Variants in WAPL observed in about 807,000 individuals in gnomAD.
WAPL encodes wings apart-like protein homolog.
WAPL carries 5 observed loss-of-function variants against 121.0 expected under a neutral mutation model. That is an observed-to-expected ratio of 0.04 (90% confidence interval 0.02 to 0.09). The LOEUF (loss-of-function observed/expected upper bound fraction) is 0.09. WAPL is among the 10% of genes least tolerant of loss of function. WAPL has a pLI of 1.00. For missense variants in WAPL, 999 were observed against 1,410.8 expected (o/e 0.71, Z 4.68); for synonymous variants, 480 against 481.5 (o/e 1.00, Z 0.04).
Position 86,508,420 on chromosome 10 carries a change from C to T in WAPL, c.500-7677G>A, listed in dbSNP as rs201613016. On this transcript the variant is annotated intron_variant, in intron 2 of 18. Transcript: ENST00000298767. ...CGGTTCTCTTGCGCTTTGGATCCCA[C>T]GCATTAAACCATCTAGAATCCCTCA... Among the ~76,000 whole-genome samples the T allele has an allele frequency of 8.5e-5, 13 of 152,280 alleles. No individual in the cohort carries two copies. The East Asian group carries it at 1.9e-3, about 23-fold the overall frequency.
intron 2 of WAPL, among the ~76,000 whole-genome samples, chr10:86,508,651 CTATAA>C (rs1302429233): frequency 4.6e-5 from 7 of 151,982 alleles, no homozygotes; most frequent in South Asian, 2.1e-4. Context: ...ACATTGGCTT[CTATAA>C]TATATCACTT....
At chr10:86,521,127 A>C (rs1437032091) in intron 1 of WAPL, among the ~76,000 whole-genome samples, 1 of 152,204 alleles carries the variant, frequency 6.6e-6, no homozygotes, top group African/African-American at 2.4e-5. Context: ...TCGGGGCTGA[A>C]ATCAACACAC....
In WAPL at chr10:86,435,331, C is replaced by T. The variant is rs1849291792; in HGVS notation, c.*2212G>A. On this transcript the variant is annotated 3_prime_UTR_variant, in exon 19 of 19. Coordinates refer to ENST00000298767, the MANE Select transcript of WAPL (RefSeq NM_015045.5). Reference sequence around the variant, plus strand: ...AAAGACATACTTCATGAAACTGGTACAAACTATTTTTTCCTGCCGTTGGCT... The same window carrying T: ...AAAGACATACTTCATGAAACTGGTATAAACTATTTTTTCCTGCCGTTGGCT... The T allele has an allele frequency of 6.6e-6, 1 of 152,604 alleles. No individual in the cohort carries two copies. The highest frequency in any genetic ancestry group is 2.1e-4 in the South Asian group (1 of 4,826). The allele number at this position is 152,604 out of a possible 1,614,324, so 9.5% of individuals were successfully genotyped here. A position where few individuals can be genotyped will look rare whatever the true frequency, so the allele number is the denominator to read the frequency against.
At chr10:86,442,525 G>C (rs1042856412) in intron 17 of WAPL, among the ~76,000 whole-genome samples, 1 of 152,034 alleles carries the variant, frequency 6.6e-6, no homozygotes, top group African/African-American at 2.4e-5. Context: ...ATCTTTAACA[G>C]CCTAACTCTG....
At position 86,446,261 on chromosome 10, in the gene WAPL, T is replaced by G. The variant is rs781758719; in HGVS notation, c.3303A>C (p.Glu1101Asp). Residue 1101 changes from glutamate (E) to aspartate (D), a missense_variant, in exon 16 of 19, where the codon GAA becomes GAC. By Grantham distance (45) the Glu-to-Asp change is conservative. Transcript: ENST00000298767. ...ATATACCTTTATTGAGGTCAAGTTC[T>G]TCATCCTCCTCCTCCTTCTTATGTT... ...EEKHKKEEEDEELDLNKALQH... is the reference protein window; with the variant it reads ...EEKHKKEEEDDELDLNKALQH... The G allele has an allele frequency of 1.1e-5, 17 of 1,614,040 alleles. No homozygotes were observed. In the East Asian group the frequency reaches 3.8e-4, roughly 36 times the overall value.
At position 86,437,325 on chromosome 10, in the gene WAPL, T is replaced by C; in HGVS notation, c.*218A>G. On this transcript the variant is annotated 3_prime_UTR_variant, in exon 19 of 19. Transcript: ENST00000298767. Reference sequence around the variant, plus strand: ...ATGGAATTGTTAACAGCCTGAACCTTTTCCCCTCATTTTTGATAGTTGCAG... The same window carrying C: ...ATGGAATTGTTAACAGCCTGAACCTCTTCCCCTCATTTTTGATAGTTGCAG... 3.8e-6 allele frequency: 2 copies of C among 527,358 alleles called. No individual in the cohort carries two copies. Among genetic ancestry groups the C allele is most frequent in the Non-Finnish European group, 6.6e-6 (2 of 301,190 alleles). The allele number at this position is 527,358 out of a possible 1,614,324, so 32.7% of individuals were successfully genotyped here. A position where few individuals can be genotyped will look rare whatever the true frequency, so the allele number is the denominator to read the frequency against.
intron 17 of WAPL, among the ~76,000 whole-genome samples, chr10:86,438,596 C>T (rs1311025126): frequency 6.6e-6 from 1 of 152,206 alleles, no homozygotes; most frequent in Non-Finnish European, 1.5e-5. Flanking sequence ...TAACAAACTG[C>T]ACTGTTTAAT....
At chr10:86,490,601 T>C (rs969980120) in intron 4 of WAPL, among the ~76,000 whole-genome samples, 10 of 152,184 alleles carry the variant, frequency 6.6e-5, no homozygotes, top group Non-Finnish European at 7.3e-5. Context: ...TCAACAAATT[T>C]TAACACAGTA....
intron 2 of WAPL, among the ~76,000 whole-genome samples, chr10:86,517,142 C>G (rs7914270): frequency 1.3e-5 from 2 of 152,062 alleles, no homozygotes; most frequent in South Asian, 2.1e-4. Flanking sequence ...CCACTCAATA[C>G]CCCCTTAATC....
intron 18 of WAPL, 26 bp downstream of exon 18, chr10:86,437,894 T>C (rs1167740023): frequency 1.3e-6 from 2 of 1,514,292 alleles, no homozygotes; most frequent in Non-Finnish European, 1.8e-6. Flanking sequence ...TTTAAAATCA[T>C]ATAAGCTGTA....
intron 2 of WAPL, among the ~76,000 whole-genome samples, chr10:86,510,470 T>C (rs1165885459): frequency 6.6e-6 from 1 of 152,236 alleles, no homozygotes; most frequent in Non-Finnish European, 1.5e-5. Flanking sequence ...AAGCTAGTTC[T>C]TTATCATGAC....
At chr10:86,484,728 T>C (rs1367158081) in intron 4 of WAPL, among the ~76,000 whole-genome samples, 1 of 152,218 alleles carries the variant, frequency 6.6e-6, no homozygotes, top group Non-Finnish European at 1.5e-5. Flanking sequence ...GTATTTTTAC[T>C]GTACCTTTTC....
intron 7 of WAPL, among the ~76,000 whole-genome samples, chr10:86,471,350 T>C (rs1302349843): frequency 6.6e-6 from 1 of 152,224 alleles, no homozygotes; most frequent in Non-Finnish European, 1.5e-5. Flanking sequence ...CTTACGTTAC[T>C]ACTACCACCA....
At chr10:86,445,507 G>A (rs201883593) in intron 16 of WAPL, among the ~76,000 whole-genome samples, 26 of 151,120 alleles carry the variant, frequency 1.7e-4, no homozygotes, top group East Asian at 5.8e-4. Flanking sequence ...TATGATTAGC[G>A]AAGATATTAC....
In WAPL at chr10:86,472,706, G is replaced by A; in HGVS notation, c.1799C>T (p.Ala600Val). 1 of 1,613,816 alleles carries A rather than the reference G, an allele frequency of 6.2e-7. No homozygotes were observed. The highest frequency in any genetic ancestry group is 8.5e-7 in the Non-Finnish European group (1 of 1,179,846). The change falls in exon 6 of 19, where the codon GCA (alanine) becomes GTA (valine). Residue 600 changes from alanine to valine, a missense_variant. By Grantham distance (64) the Ala-to-Val change is moderately conservative. Around this residue, in one of 7 missense-constraint regions of WAPL, gnomAD observed 74 missense variants for 115.1 expected, o/e 0.64. Coordinates refer to ENST00000298767, the MANE Select transcript of WAPL (RefSeq NM_015045.5). This position sits in a 1 kb window ranked among gnomAD's most constrained non-coding sequence, Gnocchi z 4.2. ...AGTTTTTATCACTTTGGATGGTGGTGCAGGAGCCTTAAAAACTCCATCATC... is the reference window on the plus strand; with the variant it reads ...AGTTTTTATCACTTTGGATGGTGGTACAGGAGCCTTAAAAACTCCATCATC... ...QKDDGVFKAP[A>V]PPSKVIKTVT...
chr10:86,491,733 TAAA>T (rs764600747), intron 4 of WAPL, among the ~76,000 whole-genome samples: 1 of 131,032 alleles, frequency 7.6e-6, no homozygotes. Context: ...AACTTCAACT[TAAA>T]AAAAAAAAAA....
At chr10:86,486,332 T>C (rs1235296492) in intron 4 of WAPL, among the ~76,000 whole-genome samples, 1 of 152,230 alleles carries the variant, frequency 6.6e-6, no homozygotes. Context: ...TGGGAGTACT[T>C]GTCCTTTAAA....
At chr10:86,465,105 C>A (rs1272961572) in intron 9 of WAPL, among the ~76,000 whole-genome samples, 1 of 152,220 alleles carries the variant, frequency 6.6e-6, no homozygotes, top group East Asian at 1.9e-4. Context: ...CTGGCTAGCA[C>A]AAAGCATCCT....
At position 86,521,633 on chromosome 10, in the gene WAPL, G is replaced by A; in HGVS notation, c.-291C>T. On this transcript the variant is annotated 5_prime_UTR_variant, in exon 1 of 19. Transcript: ENST00000298767. ...CGCCACTGCTGGAGCTGGTAACAGA[G>A]CCTGCTGTGTGCCCCCGCTGGGCCG... is the stretch of plus-strand genomic sequence containing the variant. 2 of 460,958 alleles carry A rather than the reference G, an allele frequency of 4.3e-6. No individual in the cohort carries two copies. Among genetic ancestry groups the A allele is most frequent in the South Asian group, 3.2e-5 (2 of 63,168 alleles). 28.6% of individuals were successfully genotyped at this position (460,958 alleles called of 1,614,324 possible). A position where few individuals can be genotyped will look rare whatever the true frequency, so the allele number is the denominator to read the frequency against.
Sources: gnomAD v4.1 joint callset for allele counts (sites outside exome capture counted in the v4.1 genomes callset) on GRCh38, gnomAD v4.1.1 for gene constraint, gnomAD v4.1.1 regional missense constraint, Gnocchi (gnomAD v3.1) non-coding constraint, MANE v1.5 for transcripts, NCBI Gene and HGNC (gene_info 2026-07-23, HGNC 2026-07-21) for gene names.